Variants in ADCY8 observed in about 807,000 individuals in gnomAD.
ADCY8 encodes the protein adenylate cyclase 8, also known as adenylate cyclase type 8.
In ADCY8, 51 loss-of-function variants were observed where a neutral mutation model predicts 119.7. That is an observed-to-expected ratio of 0.43 (90% confidence interval 0.34 to 0.54). The LOEUF (loss-of-function observed/expected upper bound fraction) is 0.54. ADCY8 is among the 20% of genes least tolerant of loss of function. The pLI, the probability that ADCY8 is intolerant of heterozygous loss-of-function variation, is 0.03. For synonymous variants in ADCY8, 665 were observed against 651.0 expected (o/e 1.02, Z -0.33); for missense variants, 1,383 against 1,598.8 (o/e 0.87, Z 2.30).
At position 130,866,044 on chromosome 8, in the gene ADCY8, C is replaced by A. The variant is rs1014240591; in HGVS notation, c.2210+1802G>T. Among the ~76,000 whole-genome samples, 3 of 152,166 alleles carry A rather than the reference C, an allele frequency of 2.0e-5. No homozygotes were observed. In the East Asian group the frequency reaches 5.8e-4, roughly 29 times the overall value. On this transcript the variant is annotated intron_variant, in intron 9 of 17. Coordinates refer to ENST00000286355, the MANE Select transcript of ADCY8 (RefSeq NM_001115.3). ...CATGCCCAGTACTTCTTTCTGCTTT[C>A]TCCCATACAGGTACTGATATCACAC...
intron 15 of ADCY8, among the ~76,000 whole-genome samples, chr8:130,787,798 CACATGTGTGTTGTTTAT>C (rs1448954661): frequency 6.6e-6 from 1 of 151,786 alleles, no homozygotes; most frequent in African/African-American, 2.4e-5. Context: ...GGTGCACACA[CACATGTGTGTTGTTTAT>C]GTGCATGTGC....
intron 11 of ADCY8, among the ~76,000 whole-genome samples, chr8:130,842,329 C>T (rs888633905): frequency 6.6e-6 from 1 of 152,102 alleles, no homozygotes; most frequent in Admixed American, 6.5e-5. Flanking sequence ...TGTGGAAAAA[C>T]TCATGCCACC....
At chr8:130,834,721 T>C (rs775090739) in intron 12 of ADCY8, among the ~76,000 whole-genome samples, 1 of 152,102 alleles carries the variant, frequency 6.6e-6, no homozygotes, top group African/African-American at 2.4e-5. Context: ...CCTAGATGGA[T>C]CTAGAAAGAT....
chr8:130,847,966 C>G (rs570153032), intron 10 of ADCY8, among the ~76,000 whole-genome samples: 2 of 152,268 alleles, frequency 1.3e-5, no homozygotes, highest in South Asian at 4.1e-4. Context: ...TTTCCTAGGA[C>G]AGAAGTTGCT....
intron 15 of ADCY8, among the ~76,000 whole-genome samples, chr8:130,787,316 A>G (rs777520663): frequency 3.9e-5 from 6 of 152,160 alleles, no homozygotes; most frequent in South Asian, 2.1e-4. Flanking sequence ...ATGGAGTCAG[A>G]TATATGGATA....
chr8:130,787,607 T>C (rs1034389842), intron 15 of ADCY8, among the ~76,000 whole-genome samples: 2 of 152,168 alleles, frequency 1.3e-5, no homozygotes, highest in Admixed American at 6.5e-5. Context: ...GTACAGTACA[T>C]GTGTAGTGAT....
In ADCY8 at chr8:130,943,357, C is replaced by T. The variant is rs138384118; in HGVS notation, c.1347G>A (p.Leu449=). 24 of 1,612,156 alleles carry T rather than the reference C, an allele frequency of 1.5e-5. No individual in the cohort carries two copies. The highest frequency in any genetic ancestry group is 1.5e-4 in the African/African-American group (11 of 74,778). Residue 449 remains leucine, a synonymous_variant, in exon 4 of 18, where the codon CTG becomes CTA. Transcript: ENST00000286355. ...LNELFARFDR[L]AHEHHCLRIK... ...GAAATTAAATTCAACTCACATGGGC[C>T]AGTCGATCAAATCTGGCAAAGAGCT...
chr8:131,024,019 C>T (rs1407588296), intron 1 of ADCY8, among the ~76,000 whole-genome samples: 1 of 152,028 alleles, frequency 6.6e-6, no homozygotes, highest in Non-Finnish European at 1.5e-5. Flanking sequence ...GAGGTGATTG[C>T]TAATGATTGC....
intron 7 of ADCY8, among the ~76,000 whole-genome samples, chr8:130,894,462 G>T (rs1306527656): frequency 2.0e-5 from 3 of 152,106 alleles, no homozygotes; most frequent in Non-Finnish European, 1.5e-5. Flanking sequence ...TTCATACAAT[G>T]TATCCAAAGT....
chr8:130,995,054 A>C (rs1822729814), intron 1 of ADCY8, among the ~76,000 whole-genome samples: 1 of 152,190 alleles, frequency 6.6e-6, no homozygotes, highest in Non-Finnish European at 1.5e-5. Flanking sequence ...TGGGGAAAAT[A>C]GTCACTCTTA....
intron 12 of ADCY8, among the ~76,000 whole-genome samples, chr8:130,821,808 C>A (rs1015038980): frequency 1.3e-5 from 2 of 152,190 alleles, no homozygotes; most frequent in Non-Finnish European, 2.9e-5. Context: ...TTATACTGGG[C>A]CAGGCACAGT....
chr8:130,869,849 C>T (rs1159354138), intron 8 of ADCY8, among the ~76,000 whole-genome samples: 2 of 151,688 alleles, frequency 1.3e-5, no homozygotes, highest in Non-Finnish European at 2.9e-5. Context: ...AGCATGGTTG[C>T]GTAGATTTGA....
rs926733871 is a variant in ADCY8, at chr8:130,961,575, T to A, written c.1111-9577A>T. Among the ~76,000 whole-genome samples, 6 of 152,206 alleles carry A rather than the reference T, an allele frequency of 3.9e-5. No homozygotes were observed. In the East Asian group the frequency reaches 1.2e-3, roughly 29 times the overall value. ...TGTTCTTTCCTTTGAGAGGTCTATGTACTGTTGCCCTGCAACACAGAATCT... is the reference window on the plus strand; with the variant it reads ...TGTTCTTTCCTTTGAGAGGTCTATGAACTGTTGCCCTGCAACACAGAATCT... On this transcript the variant is annotated intron_variant, in intron 2 of 17. Coordinates refer to ENST00000286355, the MANE Select transcript of ADCY8 (RefSeq NM_001115.3).
intron 6 of ADCY8, among the ~76,000 whole-genome samples, chr8:130,905,279 A>G (rs2130535919): frequency 6.6e-6 from 1 of 152,322 alleles, no homozygotes; most frequent in East Asian, 1.9e-4. Flanking sequence ...GGCCTTCTGA[A>G]TAAGGCCTCC....
At chr8:131,026,947 CTCT>C (rs1251185757) in intron 1 of ADCY8, among the ~76,000 whole-genome samples, 1 of 152,146 alleles carries the variant, frequency 6.6e-6, no homozygotes, top group Non-Finnish European at 1.5e-5. Context: ...AAGATTGAGG[CTCT>C]TGTCAGTGTT....
At chr8:130,854,824 TCC>T (rs1817660214) in intron 9 of ADCY8, among the ~76,000 whole-genome samples, 1 of 21,884 alleles carries the variant, frequency 4.6e-5, no homozygotes, top group Non-Finnish European at 9.9e-5. Flanking sequence ...CCTCCCTCCC[TCC>T]CTCCCTCCCT....
chr8:130,843,242 TCA>T (rs1294959767), intron 11 of ADCY8, among the ~76,000 whole-genome samples: 5 of 152,234 alleles, frequency 3.3e-5, no homozygotes, highest in African/African-American at 1.2e-4. Flanking sequence ...TGAATCTTTC[TCA>T]GTCTGACTGG....
chr8:131,026,501 G>A (rs1407321430), intron 1 of ADCY8, among the ~76,000 whole-genome samples: 1 of 152,192 alleles, frequency 6.6e-6, no homozygotes, highest in African/African-American at 2.4e-5. Flanking sequence ...TGGAGTAGCA[G>A]GGACCCACTG....
At chr8:130,852,857 T>C (rs1817580718) in intron 9 of ADCY8, among the ~76,000 whole-genome samples, 1 of 152,212 alleles carries the variant, frequency 6.6e-6, no homozygotes. Context: ...CTGTTATTCC[T>C]GCAAGGCTCA....
Sources: allele counts gnomAD v4.1 joint callset (sites outside exome capture counted in the v4.1 genomes callset), GRCh38; gene constraint gnomAD v4.1.1; transcripts MANE v1.5; gene names NCBI Gene and HGNC (gene_info 2026-07-23, HGNC 2026-07-21).